Variants in PIP4K2A observed in about 807,000 individuals in gnomAD.
PIP4K2A encodes the protein phosphatidylinositol-5-phosphate 4-kinase type 2 alpha.
In PIP4K2A, 14 loss-of-function variants were observed where a neutral mutation model predicts 42.9. That is an observed-to-expected ratio of 0.33 (90% confidence interval 0.22 to 0.51). PIP4K2A has a LOEUF of 0.51. Among genes scored for constraint, PIP4K2A ranks in the 20% least tolerant of loss-of-function variants. PIP4K2A has a pLI of 0.97. For missense variants in PIP4K2A, 434 were observed against 519.8 expected (o/e 0.83, Z 1.61); for synonymous variants, 192 against 192.2 (o/e 1.00, Z 0.01).
At chr10:22,587,256 G>T (rs1837418304) in intron 4 of PIP4K2A, among the ~76,000 whole-genome samples, 1 of 152,158 alleles carries the variant, frequency 6.6e-6, no homozygotes, top group Non-Finnish European at 1.5e-5. Flanking sequence ...AAAAAGGGCT[G>T]TTGGGTAACC....
chr10:22,640,014 CTT>C (rs71395806), intron 1 of PIP4K2A, among the ~76,000 whole-genome samples: 2,645 of 91,980 alleles, frequency 0.029, 66 homozygotes, highest in African/African-American at 0.083. Flanking sequence ...GATGTGTTGT[CTT>C]TTTTTTTTTT....
At chr10:22,587,831 C>T (rs1168962652) in intron 4 of PIP4K2A, among the ~76,000 whole-genome samples, 1 of 152,236 alleles carries the variant, frequency 6.6e-6, no homozygotes, top group Non-Finnish European at 1.5e-5. Context: ...AAACTACACA[C>T]TGGTGTGGCC....
intron 7 of PIP4K2A, among the ~76,000 whole-genome samples, chr10:22,543,128 C>T (rs1208817099): frequency 6.6e-6 from 1 of 152,124 alleles, no homozygotes; most frequent in African/African-American, 2.4e-5. Flanking sequence ...TTTGCTAAGC[C>T]CCGCAGAGTC....
intron 1 of PIP4K2A, among the ~76,000 whole-genome samples, chr10:22,704,143 A>T (rs1833765625): frequency 6.6e-6 from 1 of 152,222 alleles, no homozygotes; most frequent in African/African-American, 2.4e-5. Flanking sequence ...ATAAAAAGCC[A>T]TGAGACTAAA....
intron 1 of PIP4K2A, among the ~76,000 whole-genome samples, chr10:22,665,318 C>T (rs1839325255): frequency 6.6e-6 from 1 of 152,186 alleles, no homozygotes; most frequent in South Asian, 2.1e-4. Context: ...TGTGCCTTTT[C>T]CTAAACTACA....
intron 1 of PIP4K2A, among the ~76,000 whole-genome samples, chr10:22,667,332 T>C (rs948369995): frequency 6.6e-6 from 1 of 152,208 alleles, no homozygotes; most frequent in African/African-American, 2.4e-5. Flanking sequence ...TTGATGTGTG[T>C]ATTCAAACAG....
intron 1 of PIP4K2A, among the ~76,000 whole-genome samples, chr10:22,615,440 A>G (rs1209287182): frequency 6.6e-6 from 1 of 152,202 alleles, no homozygotes; most frequent in East Asian, 1.9e-4. Flanking sequence ...AGATACTTAT[A>G]TTGGGAACAC....
chr10:22,591,904 A>C (rs1462835161), intron 3 of PIP4K2A, 123 bp from the exon 4 acceptor site: 2 of 806,742 alleles, frequency 2.5e-6, no homozygotes, highest in East Asian at 5.5e-5. Flanking sequence ...TGTGTGGGAT[A>C]AATTGATAAG....
At chr10:22,602,014 T>C (rs1322414834) in intron 3 of PIP4K2A, among the ~76,000 whole-genome samples, 2 of 152,206 alleles carry the variant, frequency 1.3e-5, no homozygotes, top group Admixed American at 1.3e-4. Context: ...TGACGGAGGC[T>C]TGGCTCACTG....
At chr10:22,682,294 T>G (rs977862404) in intron 1 of PIP4K2A, among the ~76,000 whole-genome samples, 2 of 152,224 alleles carry the variant, frequency 1.3e-5, no homozygotes, top group African/African-American at 4.8e-5. Flanking sequence ...TTTCAACTAC[T>G]GTTTCTTTTT....
chr10:22,676,107 C>CT (rs34526149), intron 1 of PIP4K2A, among the ~76,000 whole-genome samples: 58,644 of 151,812 alleles, frequency 0.39, 11,947 homozygotes, highest in Non-Finnish European at 0.43. Flanking sequence ...CTTTTCATCT[C>CT]TCTGAGCCTC....
intron 2 of PIP4K2A, 121 bp from the exon 3 acceptor site, chr10:22,608,144 G>A (rs1186457842): frequency 3.3e-6 from 2 of 607,064 alleles, no homozygotes; most frequent in African/African-American, 1.9e-5. Context: ...CAAAAGCACA[G>A]GTGTGCTTCC....
chr10:22,696,934 T>A (rs1018028875), intron 1 of PIP4K2A, among the ~76,000 whole-genome samples: 1 of 152,188 alleles, frequency 6.6e-6, no homozygotes, highest in African/African-American at 2.4e-5. Flanking sequence ...CCTGAATTCA[T>A]CTAAAATAGT....
chr10:22,576,882 C>T (rs373806182), intron 4 of PIP4K2A, among the ~76,000 whole-genome samples: 1 of 151,988 alleles, frequency 6.6e-6, no homozygotes, highest in East Asian at 1.9e-4. Flanking sequence ...TTGAGACCAG[C>T]CTGGCCAACA....
rs1337412208 is a variant in PIP4K2A, at chr10:22,591,558, C to G, written c.492+71G>C. 6.0e-6 allele frequency: 7 copies of G among 1,170,640 alleles called. No homozygotes were observed. In the African/African-American group the frequency reaches 1.1e-4, roughly 18 times the overall value. The allele number at this position is 1,170,640 out of a possible 1,614,324, so 72.5% of individuals were successfully genotyped here. A position where few individuals can be genotyped will look rare whatever the true frequency, so the allele number is the denominator to read the frequency against. Reference sequence around the variant, plus strand: ...GTTCTCTAACTATATATTTAAATCTCTGGCCTTGGTGAGAAATCGCTACGC... The same window carrying G: ...GTTCTCTAACTATATATTTAAATCTGTGGCCTTGGTGAGAAATCGCTACGC... On this transcript the variant is annotated intron_variant, in intron 4 of 9. Transcript: ENST00000376573.
chr10:22,664,079 A>ATATATATATACATATATATATACG (rs1839270690), intron 1 of PIP4K2A, among the ~76,000 whole-genome samples: 1 of 80,144 alleles, frequency 1.2e-5, no homozygotes, highest in Non-Finnish European at 2.1e-5. Flanking sequence ...ATATATACGT[A>ATATATATATACATATATATATACG]TATATATATA....
chr10:22,689,045 T>C (rs904709165), intron 1 of PIP4K2A, among the ~76,000 whole-genome samples: 4 of 152,206 alleles, frequency 2.6e-5, no homozygotes, highest in African/African-American at 9.6e-5. Flanking sequence ...CCTATCTTTT[T>C]CTTCTTCCTT....
At position 22,540,073 on chromosome 10, in the gene PIP4K2A, G is replaced by C. The variant is rs1836064730; in HGVS notation, c.1038C>G (p.Asn346Lys). 1 of 1,561,726 alleles carries C rather than the reference G, an allele frequency of 6.4e-7. No individual in the cohort carries two copies. Among genetic ancestry groups the C allele is most frequent in the Non-Finnish European group, 8.8e-7 (1 of 1,133,928 alleles). The change falls in exon 9 of 10, where the codon AAC becomes AAG. Residue 346 changes from asparagine (N) to lysine (K), a missense_variant and splice_region_variant. Asn to Lys is a moderately conservative substitution (Grantham distance 94). Transcript: ENST00000376573. Reference sequence around the variant, plus strand: ...TGAAGTACACCTCCTTCCTAGGCGAGTCTGCAGAGACAGGAGAGCAATGAC... The same window carrying C: ...TGAAGTACACCTCCTTCCTAGGCGACTCTGCAGAGACAGGAGAGCAATGAC... ...IDVYGIKCHE[N>K]SPRKEVYFMA... is the part of the protein sequence containing the mutation.
intron 5 of PIP4K2A, 87 bp downstream of exon 5, chr10:22,573,224 A>G: frequency 8.1e-7 from 1 of 1,239,954 alleles, no homozygotes; most frequent in Non-Finnish European, 1.2e-6. Flanking sequence ...AGCGGCTCCT[A>G]AGCATTTCTG....
Sources: gnomAD v4.1 joint callset for allele counts (sites outside exome capture counted in the v4.1 genomes callset) on GRCh38, gnomAD v4.1.1 for gene constraint, MANE v1.5 for transcripts, NCBI Gene and HGNC (gene_info 2026-07-23, HGNC 2026-07-21) for gene names.